The following LIPA variants were observed in gnomAD, a reference collection of about 807,000 sequenced individuals.
LIPA encodes the protein lipase A, lysosomal acid type.
In LIPA, 26 loss-of-function variants were observed where a neutral mutation model predicts 40.6. The ratio of observed to expected loss-of-function variants is 0.64; its 90% confidence interval spans 0.47 to 0.89. The LOEUF is 0.89. LIPA is among the 40% of genes least tolerant of loss of function. LIPA has a pLI of 0.00. For missense variants in LIPA, 455 were observed against 479.6 expected (o/e 0.95, Z 0.48); for synonymous variants, 188 against 168.4 (o/e 1.12, Z -0.90).
chr10:89,305,860 T>G (rs1843474499), intron 1 of LIPA: 1 of 783,710 alleles, frequency 1.3e-6, no homozygotes, highest in Non-Finnish European at 2.1e-6. Context: ...CTTTGATTTG[T>G]GTTAACAGCC....
chr10:89,355,344 G>A (rs2133588932), intron 2 of LIPA, among the ~76,000 whole-genome samples: 1 of 152,316 alleles, frequency 6.6e-6, no homozygotes, highest in South Asian at 2.1e-4. Flanking sequence ...TATGGGAAAG[G>A]CAAGATGGGG....
At chr10:89,317,991 A>T (rs1162883441) in intron 1 of LIPA, among the ~76,000 whole-genome samples, 1 of 152,222 alleles carries the variant, frequency 6.6e-6, no homozygotes, top group Non-Finnish European at 1.5e-5. Context: ...AAGGAGAAAT[A>T]AAATCCTTTA....
At chr10:89,337,238 G>A (rs147340384) in intron 1 of LIPA, among the ~76,000 whole-genome samples, 71 of 152,210 alleles carry the variant, frequency 4.7e-4, no homozygotes, top group African/African-American at 8.4e-4. Context: ...AGCACCTGGC[G>A]GGCAGAGAAG....
intron 2 of LIPA, among the ~76,000 whole-genome samples, chr10:89,361,897 TTTTTTTTTTTTTTTTG>T (rs2133592395): frequency 1.6e-5 from 2 of 123,936 alleles, no homozygotes; most frequent in Admixed American, 8.3e-5. Flanking sequence ...TTTTTTTTTT[TTTTTTTTTTTTTTTTG>T]AGACAGGATC....
chr10:89,295,337 A>G (rs1264272815), intron 1 of LIPA, among the ~76,000 whole-genome samples: 3 of 152,254 alleles, frequency 2.0e-5, no homozygotes, highest in Non-Finnish European at 4.4e-5. Flanking sequence ...TTCAGTTAAA[A>G]ATAGACTCAA....
At chr10:89,302,847 G>A (rs908789728) in intron 1 of LIPA, among the ~76,000 whole-genome samples, 29 of 152,110 alleles carry the variant, frequency 1.9e-4, no homozygotes, top group African/African-American at 6.3e-4. Context: ...TGGGGTGGCC[G>A]GACCTGGTTG....
chr10:89,286,709 A>G (rs970698065), intron 1 of LIPA, among the ~76,000 whole-genome samples: 35 of 152,302 alleles, frequency 2.3e-4, no homozygotes, highest in Non-Finnish European at 4.7e-4. Context: ...TTATTACCCA[A>G]TCTGCTCCCA....
chr10:89,306,686 C>CAGAAAAAAATGAGAATGTAGCATGTAA, intron 1 of LIPA: 1 of 1,614,008 alleles, frequency 6.2e-7, no homozygotes. Flanking sequence ...GGAGAAAGCC[C>CAGAAAAAAATGAGAATGTAGCATGTAA]CAGGTGTAAC....
chr10:89,302,104 CTG>C (rs752186358), intron 1 of LIPA: 1 of 1,613,946 alleles, frequency 6.2e-7, no homozygotes, highest in East Asian at 2.2e-5. Flanking sequence ...TGCCGAACAG[CTG>C]AGAATTGCAC....
At position 89,384,646 on chromosome 10, in the gene LIPA, C is replaced by T. The variant is rs1844192191; in HGVS notation, c.61+28145G>A. 1.9e-6 allele frequency: 3 copies of T among 1,614,204 alleles called. No homozygotes were observed. The highest frequency in any genetic ancestry group is 2.5e-6 in the Non-Finnish European group (3 of 1,180,030). On this transcript the variant is annotated intron_variant, in intron 2 of 8. Transcript: ENST00000371837. ...TGTGGAAAGTGTCAGCCTCCTTGGG[C>T]TTATCCACAAATTGAAAGGAGAAGT...
chr10:89,316,640 C>T (rs1489416962), intron 1 of LIPA, among the ~76,000 whole-genome samples: 2 of 152,220 alleles, frequency 1.3e-5, no homozygotes, highest in Admixed American at 1.3e-4. Context: ...ACCTCTGGGG[C>T]AGGGTATAGC....
chr10:89,341,454 G>A (rs1843869778), intron 1 of LIPA, among the ~76,000 whole-genome samples: 2 of 152,274 alleles, frequency 1.3e-5, no homozygotes, highest in Admixed American at 1.3e-4. Context: ...GGACTCTTGA[G>A]ATTAACTTCT....
rs772684869 is a variant in LIPA at position 89,214,958 on chromosome 10, A to G, written c.1070T>C (p.Leu357Pro). ...GAACACCAAGTTGGTGATCTGAGTC[A>G]GTAAGATATTGACGTCGTAGACATC... ...LADVYDVNIL[L>P]TQITNLVFHE... The change falls in exon 10 of 10, where the codon CTG becomes CCG. Residue 357 changes from leucine to proline, a missense_variant. Physicochemically the swap from Leu to Pro is moderately conservative, Grantham distance 98. Transcript: ENST00000336233. 19 of 1,614,048 alleles carry G rather than the reference A, an allele frequency of 1.2e-5. No homozygotes were observed. The highest frequency in any genetic ancestry group is 1.4e-5 in the Non-Finnish European group (17 of 1,180,002).
At chr10:89,222,854 T>C (rs149124270) in intron 7 of LIPA, among the ~76,000 whole-genome samples, 212 of 152,360 alleles carry the variant, frequency 1.4e-3, no homozygotes, top group African/African-American at 4.9e-3. Flanking sequence ...TTGTTCTTCA[T>C]GCTTTCCTGA....
intron 1 of LIPA, among the ~76,000 whole-genome samples, chr10:89,326,226 G>A (rs543721270): frequency 6.6e-6 from 1 of 152,308 alleles, no homozygotes; most frequent in African/African-American, 2.4e-5. Flanking sequence ...AGAAAATGTG[G>A]TACATTTACA....
At chr10:89,218,780 C>G (rs1180444055) in intron 8 of LIPA, among the ~76,000 whole-genome samples, 3 of 152,202 alleles carry the variant, frequency 2.0e-5, no homozygotes. Flanking sequence ...AAAACCCCCT[C>G]TATCATCAGT....
At chr10:89,295,177 A>G (rs535524439) in intron 1 of LIPA, among the ~76,000 whole-genome samples, 4 of 152,270 alleles carry the variant, frequency 2.6e-5, no homozygotes, top group Admixed American at 2.6e-4. Context: ...GTGAATGAGT[A>G]CAGAAGGGAA....
At chr10:89,295,011 G>GAAATT (rs1564778281) in intron 1 of LIPA, among the ~76,000 whole-genome samples, 3 of 118,818 alleles carry the variant, frequency 2.5e-5, no homozygotes, top group Non-Finnish European at 5.6e-5. Flanking sequence ...GAAAGGAAAG[G>GAAATT]AAATGAAATG....
rs963310498 is a variant in LIPA, at chr10:89,389,033, T to C, written c.61+23758A>G. 2.0e-5 allele frequency among the ~76,000 whole-genome samples: 3 copies of C among 152,246 alleles called. No homozygotes were observed. In the East Asian group the frequency reaches 5.8e-4, roughly 29 times the overall value. ...GGAAAAATCTCAGAAGCCAAGAAAA[T>C]AGTTTTCATACAGTGGTCAGAACAC... On this transcript the variant is annotated intron_variant, in intron 2 of 8. Coordinates refer to the LIPA transcript ENST00000371837.
Sources: allele counts gnomAD v4.1 joint callset (sites outside exome capture counted in the v4.1 genomes callset), GRCh38; gene constraint gnomAD v4.1.1; transcripts MANE v1.5; gene names NCBI Gene and HGNC (gene_info 2026-07-23, HGNC 2026-07-21).